Variants in FAM107B observed in about 807,000 individuals in gnomAD.
FAM107B encodes protein FAM107B.
FAM107B carries 21 observed loss-of-function variants against 31.5 expected under a neutral mutation model. The ratio of observed to expected loss-of-function variants is 0.67; its 90% CI spans 0.47 to 0.96. The LOEUF is 0.96. Among genes scored for constraint, FAM107B ranks in the 40% least tolerant of loss-of-function variants. The pLI is 0.00. For synonymous variants in FAM107B, 157 were observed against 141.5 expected (o/e 1.11, Z -0.78); for missense variants, 452 against 377.1 (o/e 1.20, Z -1.64).
chr10:14,698,594 AT>A (rs1855322789), intron 1 of FAM107B, among the ~76,000 whole-genome samples: 1 of 152,194 alleles, frequency 6.6e-6, no homozygotes, highest in Non-Finnish European at 1.5e-5. Flanking sequence ...CACTCATTTC[AT>A]ATGTGGACAT....
chr10:14,701,577 C>T (rs543688452), intron 1 of FAM107B, among the ~76,000 whole-genome samples: 1 of 152,160 alleles, frequency 6.6e-6, no homozygotes, highest in South Asian at 2.1e-4. Context: ...CCTCACAGCT[C>T]CAAGAATATA....
intron 2 of FAM107B, chr10:14,556,419 T>C: frequency 4.1e-6 from 4 of 985,378 alleles, no homozygotes; most frequent in Non-Finnish European, 4.8e-6. Flanking sequence ...AAAAAGGAAA[T>C]ACACCAGTCA....
intron 2 of FAM107B, among the ~76,000 whole-genome samples, chr10:14,584,894 A>C (rs1296853655): frequency 6.6e-6 from 1 of 152,158 alleles, no homozygotes; most frequent in Non-Finnish European, 1.5e-5. Context: ...CAGGAGTATA[A>C]CTTTGTAACT....
At chr10:14,687,418 T>C (rs1206413989) in intron 1 of FAM107B, among the ~76,000 whole-genome samples, 1 of 152,202 alleles carries the variant, frequency 6.6e-6, no homozygotes, top group Non-Finnish European at 1.5e-5. Flanking sequence ...AAAGAGATAA[T>C]CATAAAGGTC....
intron 1 of FAM107B, among the ~76,000 whole-genome samples, chr10:14,707,972 C>T (rs1314661975): frequency 1.3e-5 from 2 of 152,170 alleles, no homozygotes; most frequent in Non-Finnish European, 2.9e-5. Context: ...TAGGACTGGC[C>T]CTGCCTTCAG....
intron 1 of FAM107B, among the ~76,000 whole-genome samples, chr10:14,707,430 T>C (rs1285198010): frequency 2.0e-5 from 3 of 152,058 alleles, no homozygotes; most frequent in Non-Finnish European, 4.4e-5. Context: ...CGTTCCCAGG[T>C]ATCTCCCTGA....
At chr10:14,730,800 A>T (rs1248491720) in intron 1 of FAM107B, among the ~76,000 whole-genome samples, 1 of 152,152 alleles carries the variant, frequency 6.6e-6, no homozygotes, top group Admixed American at 6.5e-5. Context: ...TTAGCCCTGA[A>T]AGTCCTATGT....
At chr10:14,690,699 A>C (rs1473451770) in intron 1 of FAM107B, among the ~76,000 whole-genome samples, 2 of 151,090 alleles carry the variant, frequency 1.3e-5, no homozygotes, top group African/African-American at 4.9e-5. Flanking sequence ...TGATCCCCCC[A>C]CCTCTGCCTC....
rs1293554831 is a variant in FAM107B, at chr10:14,518,937, T to C, written c.*2253A>G. The stretch of plus-strand genomic sequence containing the variant: ...TCCTAGGAGTTTGGGCTGCACAGTA[T>C]TAAGGGGTGAGAGGAGACCGACAGC... On this transcript the variant is annotated 3_prime_UTR_variant, in exon 5 of 5. Transcript: ENST00000181796. 1 of 152,560 alleles carries C rather than the reference T, an allele frequency of 6.6e-6. No individual in the cohort carries two copies. The highest frequency in any genetic ancestry group is 1.5e-5 in the Non-Finnish European group (1 of 68,044). 9.5% of individuals were successfully genotyped at this position (152,560 alleles called of 1,614,324 possible).
At chr10:14,564,940 C>T (rs1004891676) in intron 2 of FAM107B, among the ~76,000 whole-genome samples, 1 of 152,162 alleles carries the variant, frequency 6.6e-6, no homozygotes, top group African/African-American at 2.4e-5. Flanking sequence ...TTGGGCTGGG[C>T]TGGGCATGGT....
At chr10:14,735,246 A>T (rs1327372874) in intron 1 of FAM107B, among the ~76,000 whole-genome samples, 1 of 152,232 alleles carries the variant, frequency 6.6e-6, no homozygotes, top group Non-Finnish European at 1.5e-5. Flanking sequence ...AGGCAGCCCA[A>T]CACAAATTCA....
intron 2 of FAM107B, among the ~76,000 whole-genome samples, chr10:14,591,120 G>A (rs1417437761): frequency 1.3e-5 from 2 of 151,110 alleles, no homozygotes; most frequent in Non-Finnish European, 2.9e-5. Context: ...TATAAGAAAA[G>A]ACTGAGCATG....
intron 1 of FAM107B, among the ~76,000 whole-genome samples, chr10:14,771,207 T>A (rs1833294794): frequency 6.6e-6 from 1 of 152,014 alleles, no homozygotes; most frequent in Non-Finnish European, 1.5e-5. Context: ...CTCAAAGCAA[T>A]CCCCCACACT....
At chr10:14,655,622 G>C (rs1436553478) in intron 2 of FAM107B, among the ~76,000 whole-genome samples, 1 of 152,202 alleles carries the variant, frequency 6.6e-6, no homozygotes, top group Non-Finnish European at 1.5e-5. Flanking sequence ...CCCTCTCTTA[G>C]TTCAGGTTCC....
intron 2 of FAM107B, chr10:14,661,539 A>T (rs1854239987): frequency 6.6e-6 from 1 of 152,210 alleles, no homozygotes; most frequent in Admixed American, 6.5e-5. Flanking sequence ...AACTGACACC[A>T]TTGGCTCTCC....
chr10:14,665,130 T>C lies in FAM107B; in HGVS notation c.469+2504A>G, dbSNP rs77762467. ...TGAAGAAGGGAAAGTAATAAGCCTTTTATTGTGTCAATAATGTAAAACCAT... is the reference window on the plus strand; with the variant it reads ...TGAAGAAGGGAAAGTAATAAGCCTTCTATTGTGTCAATAATGTAAAACCAT... On this transcript the variant is annotated intron_variant, in intron 2 of 4. Transcript: ENST00000181796. Among the ~76,000 whole-genome samples, 618 of 152,364 alleles carry C rather than the reference T, an allele frequency of 4.1e-3. 6 individuals are homozygous for C. The highest frequency in any genetic ancestry group is 0.012 in the African/African-American group (488 of 41,586).
chr10:14,553,285 T>C (rs1849423792), intron 2 of FAM107B: 2 of 1,168,998 alleles, frequency 1.7e-6, no homozygotes, highest in East Asian at 6.1e-5. Flanking sequence ...AGCTGAGGAA[T>C]AAAGATGACC....
intron 2 of FAM107B, among the ~76,000 whole-genome samples, chr10:14,651,590 G>A (rs921393506): frequency 6.6e-6 from 1 of 152,086 alleles, no homozygotes; most frequent in African/African-American, 2.4e-5. Context: ...CAACAAGAGT[G>A]AAACCCCGTC....
chr10:14,632,652 A>G (rs1252775208), intron 2 of FAM107B, among the ~76,000 whole-genome samples: 4 of 151,926 alleles, frequency 2.6e-5, no homozygotes, highest in African/African-American at 7.3e-5. Flanking sequence ...TCTTCGTCTA[A>G]GAATTATTAC....
Sources: gnomAD v4.1 joint callset for allele counts (sites outside exome capture counted in the v4.1 genomes callset) on GRCh38, gnomAD v4.1.1 for gene constraint, MANE v1.5 for transcripts, NCBI Gene and HGNC (gene_info 2026-07-23, HGNC 2026-07-21) for gene names.